Variants in SLC11A2 observed in about 807,000 individuals in gnomAD.
SLC11A2 encodes solute carrier family 11 member 2.
A neutral mutation model predicts 68.0 loss-of-function variants in SLC11A2; 38 were observed. The ratio of observed to expected loss-of-function variants is 0.56; its 90% CI spans 0.43 to 0.73. The LOEUF is 0.73. SLC11A2 is among the 30% of genes least tolerant of loss of function. The probability of loss-of-function intolerance (pLI) is 0.00; values close to 1 mark genes in which losing one functional copy is unlikely to be tolerated. For synonymous variants in SLC11A2, 242 were observed against 250.6 expected, an observed-to-expected ratio of 0.97 and a Z score of 0.32; for missense variants, 517 against 690.5, an observed-to-expected ratio of 0.75 and a Z score of 2.82.
rs1032544733 is a variant in SLC11A2 at position 51,024,219 on chromosome 12, G to A, written c.-39+2091C>T. On this transcript the variant is annotated intron_variant, in intron 1 of 15. Transcript: ENST00000262052. Reference sequence around the variant, plus strand: ...TAGAAGACAAAGCAGTCTTCCACTGGTGTATCCCAGATAGCACCACGAGAA... The same window carrying A: ...TAGAAGACAAAGCAGTCTTCCACTGATGTATCCCAGATAGCACCACGAGAA... 29 of 152,200 alleles carry A rather than the reference G, an allele frequency of 1.9e-4. 1 individual carries two copies. Among genetic ancestry groups the A allele is most frequent in the African/African-American group, 7.0e-4 (29 of 41,446 alleles). 9.4% of individuals were successfully genotyped at this position (152,200 alleles called of 1,614,324 possible).
chr12:50,992,454 G>A (rs1208065498), intron 12 of SLC11A2, 115 bp from the exon 13 acceptor site: 2 of 957,506 alleles, frequency 2.1e-6, no homozygotes, highest in East Asian at 5.2e-5. Context: ...AAAGGGGCCA[G>A]GCGCAGTGGC....
chr12:50,986,130 A>C lies in SLC11A2; in HGVS notation c.*2195T>G. The C allele has an allele frequency of 2.3e-6, 3 of 1,286,462 alleles. No homozygotes were observed. The highest frequency in any genetic ancestry group is 2.5e-5 in the South Asian group (2 of 80,902). The allele number at this position is 1,286,462 out of a possible 1,614,324, so 79.7% of individuals were successfully genotyped here. A position where few individuals can be genotyped will look rare whatever the true frequency, so the allele number is the denominator to read the frequency against. ...AAGAGCTCTTCCCTTTTCCCCTGTT[A>C]ATTTCCAGTATAATGTAGCAGCACA... On this transcript the variant is annotated 3_prime_UTR_variant, in exon 16 of 16. Coordinates refer to ENST00000262052, the MANE Select transcript of SLC11A2 (RefSeq NM_000617.3).
Position 50,986,694 on chromosome 12 carries a change from G to C in SLC11A2, c.*1631C>G. On this transcript the variant is annotated 3_prime_UTR_variant, in exon 16 of 16. Transcript: ENST00000262052. Reference sequence around the variant, plus strand: ...GTTTGGAGAATTACGATGGTAAGGGGAAGAGGCAGATATGAAGAGGAATGG... The same window carrying C: ...GTTTGGAGAATTACGATGGTAAGGGCAAGAGGCAGATATGAAGAGGAATGG... 7.8e-7 allele frequency: 1 copy of C among 1,286,936 alleles called. No individual in the cohort carries two copies. Among genetic ancestry groups the C allele is most frequent in the Non-Finnish European group, 1.0e-6 (1 of 988,506 alleles). The allele number at this position is 1,286,936 out of a possible 1,614,324, so 79.7% of individuals were successfully genotyped here.
the SLC11A2 span, among the ~76,000 whole-genome samples, chr12:50,968,797 C>T: frequency 1.3e-5 from 2 of 151,846 alleles, no homozygotes; most frequent in African/African-American, 2.4e-5. Context: ...CCGCCTTGGC[C>T]TCCCAAAGTG....
At chr12:50,954,075 C>A in the SLC11A2 span, 1 of 1,607,814 alleles carries the variant, frequency 6.2e-7, no homozygotes, top group African/African-American at 1.3e-5. Context: ...TCTAGAGACT[C>A]CCCCTTTGTC....
the SLC11A2 span, among the ~76,000 whole-genome samples, chr12:50,958,864 A>G: frequency 6.6e-6 from 1 of 151,386 alleles, no homozygotes; most frequent in African/African-American, 2.4e-5. Context: ...TAAAAATACA[A>G]AAGTTGGCCA....
the SLC11A2 span, among the ~76,000 whole-genome samples, chr12:50,957,937 G>GGTGTGTGTGTGTGTGTGTGTGT: frequency 4.4e-4 from 58 of 132,408 alleles, 1 homozygote; most frequent in African/African-American, 1.1e-3. Flanking sequence ...ATGAATTGGA[G>GGTGTGTGTGTGTGTGTGTGTGT]GTGTGTGTGT....
At chr12:50,955,350 C>T in the SLC11A2 span, among the ~76,000 whole-genome samples, 2 of 152,200 alleles carry the variant, frequency 1.3e-5, no homozygotes, top group Non-Finnish European at 2.9e-5. Flanking sequence ...AGTATGTTTA[C>T]ATTTTCAACA....
chr12:51,026,441 A>G (rs1280950795), upstream of SLC11A2: 1 of 964,056 alleles, frequency 1.0e-6, no homozygotes, highest in African/African-American at 1.7e-5. Context: ...GCACATCCCT[A>G]TTGGCTGGAG....
intron 10 of SLC11A2, 75 bp from the exon 11 acceptor site, chr12:50,994,705 T>G: frequency 1.2e-6 from 1 of 835,436 alleles, no homozygotes; most frequent in Middle Eastern, 2.2e-4. Flanking sequence ...CTACATATCA[T>G]ACACAATCAT....
At chr12:51,016,572 C>T (rs1943667441) in intron 1 of SLC11A2, among the ~76,000 whole-genome samples, 1 of 151,746 alleles carries the variant, frequency 6.6e-6, no homozygotes, top group Non-Finnish European at 1.5e-5. Context: ...ATCCCAGCTA[C>T]TCAGGAGGCT....
At chr12:51,005,864 C>T (rs926125851) in intron 3 of SLC11A2, 12 of 378,738 alleles carry the variant, frequency 3.2e-5, no homozygotes, top group Admixed American at 7.5e-5. Flanking sequence ...ACCAACTGAA[C>T]GGATCCTCTT....
chr12:50,963,527 G>A, the SLC11A2 span, among the ~76,000 whole-genome samples: 1 of 152,110 alleles, frequency 6.6e-6, no homozygotes, highest in Non-Finnish European at 1.5e-5. Context: ...ACTGACGGAG[G>A]TGAAATATAG....
chr12:50,965,768 C>T, the SLC11A2 span, among the ~76,000 whole-genome samples: 1 of 152,128 alleles, frequency 6.6e-6, no homozygotes, highest in African/African-American at 2.4e-5. Context: ...GAACAGGTAC[C>T]CTGGTAAATG....
chr12:50,959,427 C>T, the SLC11A2 span, among the ~76,000 whole-genome samples: 1 of 151,956 alleles, frequency 6.6e-6, no homozygotes, highest in African/African-American at 2.4e-5. Context: ...GCCCCATATC[C>T]TCTTATAGAT....
intron 3 of SLC11A2, chr12:51,005,816 G>A (rs969523168): frequency 2.0e-4 from 110 of 546,606 alleles, no homozygotes; most frequent in African/African-American, 2.0e-3. Context: ...TTGGGACACT[G>A]AGGAGAGCAA....
intron 1 of SLC11A2, among the ~76,000 whole-genome samples, chr12:51,016,939 G>A (rs1422780915): frequency 8.6e-5 from 13 of 151,374 alleles, no homozygotes; most frequent in Non-Finnish European, 1.5e-4. Context: ...CCTGAGTCTG[G>A]GAGGTCAAGG....
the SLC11A2 span, among the ~76,000 whole-genome samples, chr12:50,972,382 A>G: frequency 6.6e-6 from 1 of 152,244 alleles, no homozygotes; most frequent in Non-Finnish European, 1.5e-5. Flanking sequence ...TCTATGCATG[A>G]GAACCTACAA....
chr12:50,980,025 AC>A (rs528696391), downstream of SLC11A2: 536 of 440,972 alleles, frequency 1.2e-3, 1 homozygote, highest in African/African-American at 9.5e-3. Flanking sequence ...CATGAGTTCA[AC>A]ACCAGCCTGG....
Sources: gnomAD v4.1 joint callset for allele counts (sites outside exome capture counted in the v4.1 genomes callset) on GRCh38, gnomAD v4.1.1 for gene constraint, MANE v1.5 for transcripts, NCBI Gene and HGNC (gene_info 2026-07-23, HGNC 2026-07-21) for gene names.